FAM184A: variants seen among roughly 807,000 people sequenced by gnomAD.
The protein encoded by FAM184A is protein FAM184A.
A neutral mutation model predicts 143.8 loss-of-function variants in FAM184A; 99 were observed. The ratio of observed to expected loss-of-function variants is 0.69; its 90% CI spans 0.58 to 0.81. FAM184A has a LOEUF of 0.81. Among genes scored for constraint, FAM184A ranks in the 40% least tolerant of loss-of-function variants. The pLI, the probability that FAM184A is intolerant of heterozygous loss-of-function variation, is 0.00. For synonymous variants in FAM184A, 427 were observed against 446.4 expected (o/e 0.96, Z 0.55); for missense variants, 1,217 against 1,310.5 (o/e 0.93, Z 1.10).
intron 9 of FAM184A, among the ~76,000 whole-genome samples, chr6:118,991,663 G>A (rs1383100717): frequency 2.0e-5 from 3 of 150,782 alleles, no homozygotes; most frequent in Non-Finnish European, 1.5e-5. Flanking sequence ...GATACACAAA[G>A]GGGCCAGCTG....
At chr6:119,140,700 T>C (rs546369991) in intron 1 of FAM184A, among the ~76,000 whole-genome samples, 9 of 152,312 alleles carry the variant, frequency 5.9e-5, no homozygotes, top group African/African-American at 1.4e-4. Context: ...AGGCTGCTTC[T>C]GCCAGAAATT....
At chr6:119,141,868 T>A (rs1240561691) in intron 1 of FAM184A, among the ~76,000 whole-genome samples, 1 of 152,188 alleles carries the variant, frequency 6.6e-6, no homozygotes, top group African/African-American at 2.4e-5. Context: ...TAGCACCTAT[T>A]CCAATAGAGG....
chr6:118,976,083 A>G, intron 11 of FAM184A, 39 bp from the exon 12 acceptor site: 2 of 1,595,434 alleles, frequency 1.3e-6, no homozygotes, highest in Non-Finnish European at 1.7e-6. Flanking sequence ...GCACATTTAA[A>G]AAATATTATC....
At position 118,975,983 on chromosome 6, in the gene FAM184A, A is replaced by T; in HGVS notation, c.2517T>A (p.Asn839Lys). 1.2e-6 allele frequency: 2 copies of T among 1,613,620 alleles called. No homozygotes were observed. The highest frequency in any genetic ancestry group is 1.7e-6 in the Non-Finnish European group (2 of 1,179,896). ...TAGCAGCTGCCAATTCTTGATGATG[A>T]TTATGCCGTAACAAATCAATTGCAG... ...HAAAIDLLRH[N>K]HHQELAAAKM... The change falls in exon 12 of 18, where the codon AAT (asparagine) becomes AAA (lysine). Residue 839 changes from asparagine (N) to lysine (K), a missense_variant. Coordinates refer to ENST00000338891, the MANE Select transcript of FAM184A (RefSeq NM_024581.6).
chr6:119,053,479 C>A lies in FAM184A; in HGVS notation c.159+24662G>T, dbSNP rs547459602. ...AGCAGGCACATCTAAAAACACATCA[C>A]CCCAAATTTCTCTATGTAACAGCCT... On this transcript the variant is annotated intron_variant, in intron 1 of 17. Coordinates refer to ENST00000338891, the MANE Select transcript of FAM184A (RefSeq NM_024581.6). Among the ~76,000 whole-genome samples, 3 of 152,292 alleles carry A rather than the reference C, an allele frequency of 2.0e-5. No homozygotes were observed. The East Asian group carries it at 5.8e-4, about 29-fold the overall frequency.
chr6:119,023,215 T>C, intron 2 of FAM184A, 135 bp from the exon 3 acceptor site: 2 of 854,280 alleles, frequency 2.3e-6, no homozygotes, highest in Non-Finnish European at 3.5e-6. Flanking sequence ...AATCTGTAAG[T>C]ATTAGTGATT....
chr6:119,005,516 G>A (rs1340470043), intron 7 of FAM184A: 1 of 152,180 alleles, frequency 6.6e-6, no homozygotes, highest in Non-Finnish European at 1.5e-5. Context: ...TTTACTGAGT[G>A]TTTACTATTT....
intron 13 of FAM184A, 95 bp from the exon 14 acceptor site, chr6:118,974,669 T>C: frequency 9.4e-7 from 1 of 1,061,636 alleles, no homozygotes; most frequent in African/African-American, 1.6e-5. Context: ...GTTTTTGGTA[T>C]AATATATAGA....
intron 1 of FAM184A, among the ~76,000 whole-genome samples, chr6:119,091,735 G>A (rs1179917064): frequency 6.6e-6 from 1 of 152,254 alleles, no homozygotes; most frequent in East Asian, 1.9e-4. Flanking sequence ...GAGGGAGGAT[G>A]AGGGATCGGA....
chr6:119,033,456 G>A (rs200851795), intron 1 of FAM184A, among the ~76,000 whole-genome samples: 1 of 151,582 alleles, frequency 6.6e-6, no homozygotes. Flanking sequence ...ATGAGGTCAG[G>A]AGTTCAAGAC....
At chr6:119,130,005 C>T (rs1205509390) in intron 1 of FAM184A, among the ~76,000 whole-genome samples, 1 of 152,022 alleles carries the variant, frequency 6.6e-6, no homozygotes, top group Non-Finnish European at 1.5e-5. Context: ...CTAGCATCCA[C>T]AGCAAGATGT....
At chr6:119,006,415 C>T in intron 7 of FAM184A, 32 bp downstream of exon 7, 2 of 1,595,388 alleles carry the variant, frequency 1.3e-6, no homozygotes, top group South Asian at 1.1e-5. Context: ...TATTTTGCCG[C>T]TGTTTAGATT....
At chr6:118,971,531 A>C (rs1033157844) in intron 14 of FAM184A, among the ~76,000 whole-genome samples, 1 of 149,860 alleles carries the variant, frequency 6.7e-6, no homozygotes, top group African/African-American at 2.5e-5. Flanking sequence ...CTTTACTTAC[A>C]GAGTAAATCA....
chr6:119,123,412 CAAACAA>C (rs1789280428), intron 1 of FAM184A, among the ~76,000 whole-genome samples: 1 of 151,914 alleles, frequency 6.6e-6, no homozygotes, highest in African/African-American at 2.4e-5. Flanking sequence ...AACAAACAAA[CAAACAA>C]AAACAAAAAC....
At chr6:119,045,927 T>C (rs1786513557) in intron 1 of FAM184A, among the ~76,000 whole-genome samples, 1 of 152,186 alleles carries the variant, frequency 6.6e-6, no homozygotes, top group African/African-American at 2.4e-5. Context: ...TTTTGTCATA[T>C]CCCTATTGAA....
chr6:119,021,400 T>C (rs1785443036), intron 3 of FAM184A, among the ~76,000 whole-genome samples: 1 of 152,202 alleles, frequency 6.6e-6, no homozygotes, highest in African/African-American at 2.4e-5. Flanking sequence ...ACTTGAGAAA[T>C]AGGCAAGTCA....
intron 1 of FAM184A, among the ~76,000 whole-genome samples, chr6:119,052,203 A>G (rs1480103751): frequency 6.6e-6 from 1 of 152,248 alleles, no homozygotes; most frequent in African/African-American, 2.4e-5. Context: ...TATTTTGGAT[A>G]TAGACACCTA....
At chr6:119,099,258 A>T (rs1427845925) in intron 1 of FAM184A, among the ~76,000 whole-genome samples, 1 of 152,080 alleles carries the variant, frequency 6.6e-6, no homozygotes, top group Admixed American at 6.5e-5. Flanking sequence ...GTAACAAGCC[A>T]GTGTTTCCCT....
chr6:118,976,663 C>CA (rs79157029), intron 11 of FAM184A, among the ~76,000 whole-genome samples: 350 of 120,634 alleles, frequency 2.9e-3, no homozygotes, highest in African/African-American at 8.2e-3. Flanking sequence ...GACTCCATCT[C>CA]AAAAAAAAAA....
Sources: gnomAD v4.1 joint callset for allele counts (sites outside exome capture counted in the v4.1 genomes callset) on GRCh38, gnomAD v4.1.1 for gene constraint, MANE v1.5 for transcripts, NCBI Gene and HGNC (gene_info 2026-07-23, HGNC 2026-07-21) for gene names.